Variants in ATRN observed in about 807,000 individuals in gnomAD.
ATRN encodes the protein attractin-2.
A neutral mutation model predicts 178.7 loss-of-function variants in ATRN; 54 were observed. The ratio of observed to expected loss-of-function variants is 0.30; its 90% confidence interval spans 0.24 to 0.38. The LOEUF is 0.38. Among genes scored for constraint, ATRN ranks in the 10% least tolerant of loss-of-function variants. ATRN has a pLI of 1.00. For missense variants in ATRN, 1,443 were observed against 1,815.1 expected (o/e 0.79, Z 3.73); for synonymous variants, 636 against 663.0 (o/e 0.96, Z 0.63).
intron 11 of ATRN, among the ~76,000 whole-genome samples, chr20:3,572,078 T>C (rs2087377171): frequency 6.6e-6 from 1 of 152,222 alleles, no homozygotes; most frequent in South Asian, 2.1e-4. Flanking sequence ...TTCCCACTAA[T>C]GTAAGATGCC....
chr20:3,563,143 T>C (rs2085978193), intron 9 of ATRN, 66 bp from the exon 10 acceptor site: 1 of 1,410,788 alleles, frequency 7.1e-7, no homozygotes. Context: ...GTGCTTGCAT[T>C]AGCAGATACA....
chr20:3,500,161 A>G (rs370079648), intron 1 of ATRN, among the ~76,000 whole-genome samples: 2 of 152,126 alleles, frequency 1.3e-5, no homozygotes, highest in African/African-American at 2.4e-5. Flanking sequence ...TTAGAATGGC[A>G]ATCATTCAAA....
At chr20:3,474,632 G>A (rs1258480388) in intron 1 of ATRN, among the ~76,000 whole-genome samples, 2 of 151,600 alleles carry the variant, frequency 1.3e-5, no homozygotes, top group Non-Finnish European at 2.9e-5. Flanking sequence ...GCGTGAACCC[G>A]GGAGGCAGAG....
At chr20:3,563,129 G>A (rs1944318321) in intron 9 of ATRN, 80 bp from the exon 10 acceptor site, 2 of 1,270,638 alleles carry the variant, frequency 1.6e-6, no homozygotes, top group Admixed American at 2.0e-5. Flanking sequence ...TTAATAAAGT[G>A]GTTGTGCTTG....
At chr20:3,485,405 A>G (rs2084676526) in intron 1 of ATRN, among the ~76,000 whole-genome samples, 1 of 152,240 alleles carries the variant, frequency 6.6e-6, no homozygotes, top group East Asian at 1.9e-4. Flanking sequence ...CTTTAAAAAG[A>G]ATCCTATGGA....
chr20:3,510,664 G>A (rs553236660), intron 1 of ATRN, among the ~76,000 whole-genome samples: 1 of 152,192 alleles, frequency 6.6e-6, no homozygotes, highest in South Asian at 2.1e-4. Context: ...CATAGGTGAA[G>A]GGGTGTTCTT....
chr20:3,554,283 T>C (rs940570941), intron 6 of ATRN, among the ~76,000 whole-genome samples: 6 of 151,422 alleles, frequency 4.0e-5, no homozygotes. Flanking sequence ...GAAGTAGTGT[T>C]TCTGGAACTT....
intron 1 of ATRN, among the ~76,000 whole-genome samples, chr20:3,499,879 C>G (rs377259226): frequency 6.7e-6 from 1 of 148,564 alleles, no homozygotes; most frequent in South Asian, 2.2e-4. Context: ...AAAGAAACTA[C>G]CATCAGAGTG....
At chr20:3,514,716 T>C (rs770885146) in intron 1 of ATRN, among the ~76,000 whole-genome samples, 3 of 152,070 alleles carry the variant, frequency 2.0e-5, no homozygotes, top group African/African-American at 7.2e-5. Context: ...TCCTAACACT[T>C]TGGGAGGCTG....
intron 1 of ATRN, among the ~76,000 whole-genome samples, chr20:3,518,999 T>G (rs1213493212): frequency 3.9e-5 from 4 of 101,444 alleles, no homozygotes; most frequent in Non-Finnish European, 8.5e-5. Flanking sequence ...ATAAACATCC[T>G]TATATATAAA....
At chr20:3,558,295 G>A (rs182547584) in intron 6 of ATRN, among the ~76,000 whole-genome samples, 11 of 152,076 alleles carry the variant, frequency 7.2e-5, no homozygotes, top group South Asian at 2.1e-4. Flanking sequence ...TGTTGCTGGC[G>A]TATATTTTTC....
At position 3,526,716 on chromosome 20, in the gene ATRN, T is replaced by C. The variant is rs546477264; in HGVS notation, c.411-8537T>C. The stretch of plus-strand genomic sequence containing the variant: ...CAAGGCTACAGTAACCAAAACAGCA[T>C]GATACCAAAACAGATATATAGACCA... On this transcript the variant is annotated intron_variant, in intron 1 of 28. Transcript: ENST00000262919. Among the ~76,000 whole-genome samples the C allele has an allele frequency of 3.3e-5, 5 of 152,202 alleles. No individual in the cohort carries two copies. The South Asian group carries it at 1.0e-3, about 32-fold the overall frequency.
intron 22 of ATRN, among the ~76,000 whole-genome samples, chr20:3,600,289 T>C (rs1333839675): frequency 6.6e-6 from 1 of 152,202 alleles, no homozygotes; most frequent in African/African-American, 2.4e-5. Context: ...TGAACTGCTA[T>C]ATCTCTAAGT....
chr20:3,593,537 A>G lies in ATRN; in HGVS notation c.3323-942A>G, dbSNP rs139979214. ...AGAAGAGCCAAGTAGAGGACGCTGA[A>G]TTCAAACCCAGGCAGATGGACGTAA... On this transcript the variant is annotated intron_variant, in intron 19 of 28. Transcript: ENST00000262919. Among the ~76,000 whole-genome samples the G allele has an allele frequency of 3.4e-3, 515 of 152,288 alleles. 1 individual carries two copies. Among genetic ancestry groups the G allele is most frequent in the African/African-American group, 0.012 (480 of 41,552 alleles).
intron 1 of ATRN, among the ~76,000 whole-genome samples, chr20:3,524,443 T>TA (rs1303929485): frequency 6.6e-6 from 1 of 152,102 alleles, no homozygotes; most frequent in African/African-American, 2.4e-5. Context: ...CAAAGACACT[T>TA]ACACTCCCAC....
At chr20:3,563,418 C>A (rs2085982048) in intron 10 of ATRN, 55 bp downstream of exon 10, 1 of 1,541,702 alleles carries the variant, frequency 6.5e-7, no homozygotes, top group Admixed American at 1.8e-5. Flanking sequence ...ATACTATAAG[C>A]AGCATTTAAA....
chr20:3,555,203 C>A (rs976111870), intron 6 of ATRN, among the ~76,000 whole-genome samples: 1 of 151,882 alleles, frequency 6.6e-6, no homozygotes, highest in Non-Finnish European at 1.5e-5. Flanking sequence ...CGGGGTTTCA[C>A]CGTGTTAGCC....
intron 1 of ATRN, among the ~76,000 whole-genome samples, chr20:3,491,854 A>T (rs2084798612): frequency 6.6e-6 from 1 of 151,836 alleles, no homozygotes; most frequent in African/African-American, 2.4e-5. Context: ...TTGTAGTCTT[A>T]AATAACCATA....
intron 1 of ATRN, among the ~76,000 whole-genome samples, chr20:3,483,662 A>T (rs2084652426): frequency 6.6e-6 from 1 of 151,978 alleles, no homozygotes; most frequent in African/African-American, 2.4e-5. Context: ...AGCATTCTTT[A>T]CCTATCTCTT....
Sources: allele counts gnomAD v4.1 joint callset (sites outside exome capture counted in the v4.1 genomes callset), GRCh38; gene constraint gnomAD v4.1.1; transcripts MANE v1.5; gene names NCBI Gene and HGNC (gene_info 2026-07-23, HGNC 2026-07-21).